The following RGPD2 variants were observed in gnomAD, a reference collection of about 807,000 sequenced individuals.
RGPD2 encodes the protein RANBP2-like and GRIP domain-containing protein 2.
RGPD2 carries 2 observed loss-of-function variants against 36.0 expected under a neutral mutation model. The observed-to-expected ratio is 0.06, with a 90% CI of 0.02 to 0.17. RGPD2 has a LOEUF of 0.17. RGPD2 is among the 10% of genes least tolerant of loss of function. The probability of loss-of-function intolerance (pLI) is 1.00; values close to 1 mark genes in which losing one functional copy is unlikely to be tolerated. For synonymous variants in RGPD2, 19 were observed against 163.8 expected, an observed-to-expected ratio of 0.12 and a Z score of 6.75; for missense variants, 40 against 464.3, an observed-to-expected ratio of 0.09 and a Z score of 8.40.
chr2:87,913,310 G>T, the RGPD2 span, among the ~76,000 whole-genome samples: 1 of 151,330 alleles, frequency 6.6e-6, no homozygotes, highest in South Asian at 2.1e-4. Context: ...ACCAAACACC[G>T]CATGTTCTCA....
At chr2:87,951,979 A>T in the RGPD2 span, among the ~76,000 whole-genome samples, 2 of 152,000 alleles carry the variant, frequency 1.3e-5, no homozygotes, top group African/African-American at 2.4e-5. Context: ...CTGAAAACTC[A>T]CAGCTAATTG....
At chr2:87,940,583 A>G in the RGPD2 span, among the ~76,000 whole-genome samples, 1 of 140,578 alleles carries the variant, frequency 7.1e-6, no homozygotes, top group African/African-American at 2.5e-5. Context: ...TTTGGTGGAT[A>G]AAATTATACA....
At chr2:87,974,638 G>A in the RGPD2 span, among the ~76,000 whole-genome samples, 1 of 152,104 alleles carries the variant, frequency 6.6e-6, no homozygotes, top group African/African-American at 2.4e-5. Flanking sequence ...CTCTATCAAT[G>A]CTAAGAAATA....
At chr2:87,825,468 G>A (rs1394391048) in intron 1 of RGPD2, among the ~76,000 whole-genome samples, 190 bp downstream of exon 1, 1 of 80,954 alleles carries the variant, frequency 1.2e-5, no homozygotes, top group African/African-American at 4.6e-5. Context: ...CCGAGGCCGA[G>A]GCCGCCGTCG....
chr2:87,954,994 CTTT>C, the RGPD2 span, among the ~76,000 whole-genome samples: 870 of 19,118 alleles, frequency 0.046, 31 homozygotes, highest in Non-Finnish European at 0.069. Flanking sequence ...CTGCTTGAAA[CTTT>C]TTTTTTTTTT....
At chr2:87,976,172 T>C in the RGPD2 span, among the ~76,000 whole-genome samples, 3 of 150,900 alleles carry the variant, frequency 2.0e-5, no homozygotes, top group Non-Finnish European at 4.4e-5. Context: ...AGTAAGTTAA[T>C]GGCTAGTCAG....
chr2:87,857,775 A>C, the RGPD2 span, among the ~76,000 whole-genome samples: 2 of 30,122 alleles, frequency 6.6e-5, no homozygotes, highest in East Asian at 2.0e-3. Context: ...CATCTCTACT[A>C]AAAAAAAAAA....
the RGPD2 span, among the ~76,000 whole-genome samples, chr2:87,971,387 T>C: frequency 8.3e-6 from 1 of 120,426 alleles, no homozygotes; most frequent in South Asian, 2.9e-4. Flanking sequence ...TTTCCTAAAC[T>C]ATAAAATGAA....
chr2:87,983,988 T>A, the RGPD2 span, among the ~76,000 whole-genome samples: 1 of 151,966 alleles, frequency 6.6e-6, no homozygotes, highest in Non-Finnish European at 1.5e-5. Context: ...ACTGGGGGAT[T>A]CTACGCAGAG....
chr2:87,857,491 C>T, the RGPD2 span, among the ~76,000 whole-genome samples: 5 of 151,224 alleles, frequency 3.3e-5, no homozygotes, highest in Admixed American at 6.6e-5. Flanking sequence ...TACAGGCGCC[C>T]GCCTCCACGC....
At chr2:87,964,592 G>T in the RGPD2 span, among the ~76,000 whole-genome samples, 6,397 of 151,648 alleles carry the variant, frequency 0.042, 157 homozygotes, top group African/African-American at 0.15. Flanking sequence ...GGAGTACAGT[G>T]GCACGATCTC....
At chr2:87,857,206 T>C in the RGPD2 span, among the ~76,000 whole-genome samples, 18 of 152,360 alleles carry the variant, frequency 1.2e-4, no homozygotes, top group African/African-American at 3.8e-4. Context: ...TTTCATAGCA[T>C]AGATTAGGAA....
intron 1 of RGPD2, 103 bp downstream of exon 1, chr2:87,825,555 C>CAGGTCG (rs1686748299): frequency 1.1e-6 from 1 of 872,674 alleles, no homozygotes. Context: ...GCCGCCCGGC[C>CAGGTCG]AGGTCGAGGC....
intron 1 of RGPD2, among the ~76,000 whole-genome samples, chr2:87,824,537 A>C (rs1686526600): frequency 6.6e-6 from 1 of 151,880 alleles, no homozygotes; most frequent in African/African-American, 2.4e-5. Context: ...TTCTATCCAA[A>C]GCACCCTGTT....
chr2:87,861,215 C>A, the RGPD2 span, among the ~76,000 whole-genome samples: 1 of 144,690 alleles, frequency 6.9e-6, no homozygotes, highest in African/African-American at 2.6e-5. Flanking sequence ...AATAAGGTTT[C>A]TCTTTATTAT....
chr2:87,940,335 G>A, the RGPD2 span, among the ~76,000 whole-genome samples: 5 of 151,130 alleles, frequency 3.3e-5, no homozygotes, highest in Non-Finnish European at 7.4e-5. Flanking sequence ...GGTTACCAAA[G>A]CAAAGTTCTT....
the RGPD2 span, among the ~76,000 whole-genome samples, chr2:87,881,536 CT>C: frequency 6.7e-6 from 1 of 150,328 alleles, no homozygotes; most frequent in Non-Finnish European, 1.5e-5. Flanking sequence ...ACTGTCAATG[CT>C]TATGGCTTAA....
the RGPD2 span, among the ~76,000 whole-genome samples, chr2:87,852,486 A>G: frequency 6.6e-6 from 1 of 152,154 alleles, no homozygotes; most frequent in Non-Finnish European, 1.5e-5. Flanking sequence ...AAAAATGTAA[A>G]TGAGATCACA....
chr2:87,985,930 A>G, the RGPD2 span: 2 of 1,546,410 alleles, frequency 1.3e-6, no homozygotes, highest in Admixed American at 1.8e-5. Context: ...AAAAGCAAAG[A>G]TTAATTTTAG....
Sources: gnomAD v4.1 joint callset for allele counts (sites outside exome capture counted in the v4.1 genomes callset) on GRCh38, gnomAD v4.1.1 for gene constraint, MANE v1.5 for transcripts, NCBI Gene and HGNC (gene_info 2026-07-23, HGNC 2026-07-21) for gene names.